The following CACNA1A variants were observed in gnomAD, a reference collection of about 807,000 sequenced individuals.
CACNA1A encodes the protein calcium voltage-gated channel subunit alpha1 A, also known as voltage-dependent P/Q-type calcium channel subunit alpha-1A.
In CACNA1A, 57 loss-of-function variants were observed where a neutral mutation model predicts 262.4. The ratio of observed to expected loss-of-function variants is 0.22; its 90% confidence interval spans 0.18 to 0.27. The LOEUF (loss-of-function observed/expected upper bound fraction) is 0.27. Among genes scored for constraint, CACNA1A ranks in the 10% least tolerant of loss-of-function variants. The pLI is 1.00. For synonymous variants in CACNA1A, 1,431 were observed against 1,419.3 expected, an observed-to-expected ratio of 1.01 and a Z score of -0.18; for missense variants, 2,526 against 3,562.8, an observed-to-expected ratio of 0.71 and a Z score of 7.41.
rs1046598864 is a variant in CACNA1A at position 13,231,703 on chromosome 19, G to A, written c.5400+7C>T. 3.1e-6 allele frequency: 5 copies of A among 1,607,414 alleles called. No individual in the cohort carries two copies. The highest frequency in any genetic ancestry group is 1.3e-5 in the African/African-American group (1 of 74,774). ...CCAGACGGCCCTCACAGTGTCCACAGACTCACCAGAAACGAGCAGAGGAAG... is the reference window on the plus strand; with the variant it reads ...CCAGACGGCCCTCACAGTGTCCACAAACTCACCAGAAACGAGCAGAGGAAG... On this transcript the variant is annotated splice_region_variant and intron_variant, in intron 35 of 46. Coordinates refer to ENST00000360228, the MANE Select transcript of CACNA1A (RefSeq NM_001127222.2).
intron 23 of CACNA1A, 79 bp from the exon 24 acceptor site, chr19:13,276,035 TC>T: frequency 2.2e-6 from 2 of 895,090 alleles, no homozygotes; most frequent in Non-Finnish European, 1.8e-6. Context: ...CTCTAGCCTC[TC>T]GGGGAGAGGC....
intron 26 of CACNA1A, 55 bp from the exon 27 acceptor site, chr19:13,259,756 T>A: frequency 6.3e-7 from 1 of 1,585,202 alleles, no homozygotes; most frequent in East Asian, 2.3e-5. Context: ...TGTCTTGCAC[T>A]TGTCTTTGGT....
At chr19:13,399,061 T>C (rs2055187979) in intron 3 of CACNA1A, among the ~76,000 whole-genome samples, 1 of 152,138 alleles carries the variant, frequency 6.6e-6, no homozygotes, top group Admixed American at 6.6e-5. Flanking sequence ...TCTGCAGAAA[T>C]GCTGCTCGGG....
At chr19:13,429,070 A>C (rs1232300464) in intron 3 of CACNA1A, among the ~76,000 whole-genome samples, 3 of 151,360 alleles carry the variant, frequency 2.0e-5, no homozygotes, top group Non-Finnish European at 4.4e-5. Context: ...TTTGCTGACC[A>C]CCTTCTGAGC....
chr19:13,324,336 TGCATC>T (rs966827780), intron 10 of CACNA1A, among the ~76,000 whole-genome samples: 20 of 149,134 alleles, frequency 1.3e-4, no homozygotes, highest in African/African-American at 4.9e-4. Context: ...TGCATTGCAT[TGCATC>T]GCATTTAGTG....
chr19:13,323,739 C>T lies in CACNA1A; in HGVS notation c.1346-6418G>A, dbSNP rs115879996. Among the ~76,000 whole-genome samples the T allele has an allele frequency of 3.5e-3, 527 of 152,252 alleles. 1 individual carries two copies. Among genetic ancestry groups the T allele is most frequent in the African/African-American group, 0.012 (485 of 41,538 alleles). On this transcript the variant is annotated intron_variant, in intron 10 of 46. Transcript: ENST00000360228. Reference sequence around the variant, plus strand: ...TAGGTTGTCTCTTTCCTCTGCTGAACGCTTCCTTTGCTGTGCACAAATTTT... The same window carrying T: ...TAGGTTGTCTCTTTCCTCTGCTGAATGCTTCCTTTGCTGTGCACAAATTTT...
At chr19:13,259,819 T>C (rs2056681762) in intron 26 of CACNA1A, 118 bp from the exon 27 acceptor site, 1 of 1,050,560 alleles carries the variant, frequency 9.5e-7, no homozygotes. Context: ...CTAGACTGCT[T>C]GGGAAGCAGT....
chr19:13,232,120 G>A (rs1011803951), intron 34 of CACNA1A, among the ~76,000 whole-genome samples: 1 of 152,038 alleles, frequency 6.6e-6, no homozygotes, highest in African/African-American at 2.4e-5. Context: ...TTGGTCTAGG[G>A]TGGGATTTGA....
chr19:13,469,594 G>A (rs1283907397), intron 1 of CACNA1A, among the ~76,000 whole-genome samples: 22 of 143,928 alleles, frequency 1.5e-4, no homozygotes, highest in South Asian at 4.5e-4. Context: ...GACTACAGGC[G>A]CCCGCCACCA....
chr19:13,365,593 G>A, intron 4 of CACNA1A, 124 bp from the exon 5 acceptor site: 1 of 735,970 alleles, frequency 1.4e-6, no homozygotes, highest in South Asian at 2.1e-5. Flanking sequence ...TAAGCACCCA[G>A]GAGCCTGGGG....
chr19:13,446,130 C>A (rs2060807026), intron 3 of CACNA1A, among the ~76,000 whole-genome samples: 1 of 151,692 alleles, frequency 6.6e-6, no homozygotes, highest in African/African-American at 2.4e-5. Context: ...CAAAAATTAG[C>A]CAGGCACAGC....
intron 30 of CACNA1A, 76 bp downstream of exon 30, chr19:13,252,915 G>A: frequency 1.0e-6 from 1 of 955,872 alleles, no homozygotes; most frequent in Non-Finnish European, 1.6e-6. Flanking sequence ...CACGTTGGGA[G>A]ACCATCATCC....
chr19:13,223,644 G>C (rs1484563206), intron 38 of CACNA1A, among the ~76,000 whole-genome samples: 14 of 152,056 alleles, frequency 9.2e-5, no homozygotes, highest in Admixed American at 8.5e-4. Flanking sequence ...AACCTGCGTG[G>C]CGTGCCCTCA....
chr19:13,506,119 T>C lies in CACNA1A; in HGVS notation c.106A>G (p.Ser36Gly). The change falls in exon 1 of 47, where the codon AGC becomes GGC. Residue 36 changes from serine to glycine, a missense_variant. By Grantham distance (56) the Ser-to-Gly change is moderately conservative (BLOSUM62 0). Coordinates refer to ENST00000360228, the MANE Select transcript of CACNA1A (RefSeq NM_001127222.2). ...GCCCCGGGCTGCCCGCCCTGCCGGC[T>C]GCCCCCGGCTCCTCGCCCGCCTCCG... ...GSGGGRGAGG[S>G]RQGGQPGAQR... 3.1e-6 allele frequency: 5 copies of C among 1,608,350 alleles called. No individual in the cohort carries two copies. Among genetic ancestry groups the C allele is most frequent in the Non-Finnish European group, 3.4e-6 (4 of 1,177,574 alleles).
chr19:13,208,237 A>G (rs1231536418), intron 46 of CACNA1A, among the ~76,000 whole-genome samples, 184 bp from the exon 47 acceptor site: 2 of 125,482 alleles, frequency 1.6e-5, no homozygotes, highest in Non-Finnish European at 3.4e-5. Flanking sequence ...GAAAAAAGCA[A>G]CAGCCACAGG....
chr19:13,409,543 G>T lies in CACNA1A; in HGVS notation c.540-37764C>A, dbSNP rs186389097. ...TCTCCTCAAATAATAATAAGAAGAA[G>T]AAGAATAAGAATTTCTTTTTGAGGC... On this transcript the variant is annotated intron_variant, in intron 3 of 46. Coordinates refer to ENST00000360228, the MANE Select transcript of CACNA1A (RefSeq NM_001127222.2). Among the ~76,000 whole-genome samples, 187 of 152,138 alleles carry T rather than the reference G, an allele frequency of 1.2e-3. 1 individual carries two copies. Among genetic ancestry groups the T allele is most frequent in the South Asian group, 1.7e-3 (8 of 4,814 alleles).
At chr19:13,483,854 G>C (rs1479550993) in intron 1 of CACNA1A, among the ~76,000 whole-genome samples, 2 of 152,154 alleles carry the variant, frequency 1.3e-5, no homozygotes, top group Admixed American at 6.5e-5. Context: ...AGGGAACTAA[G>C]GGATTCACAT....
chr19:13,288,998 C>T (rs571022280), intron 19 of CACNA1A, among the ~76,000 whole-genome samples: 9 of 152,164 alleles, frequency 5.9e-5, no homozygotes, highest in African/African-American at 1.9e-4. Flanking sequence ...AAGGAGAAAC[C>T]GAGGCAGTTC....
chr19:13,366,331 A>G (rs1479125815), intron 4 of CACNA1A: 7 of 152,292 alleles, frequency 4.6e-5, no homozygotes, highest in Non-Finnish European at 4.4e-5. Flanking sequence ...TTAGCCAGGC[A>G]TGATGGTGCA....
Sources: gnomAD v4.1 joint callset for allele counts (sites outside exome capture counted in the v4.1 genomes callset) on GRCh38, gnomAD v4.1.1 for gene constraint, MANE v1.5 for transcripts, NCBI Gene and HGNC (gene_info 2026-07-23, HGNC 2026-07-21) for gene names.